Variants in GLUD1 observed in about 807,000 individuals in gnomAD.
GLUD1 encodes the protein glutamate dehydrogenase 1, mitochondrial.
GLUD1 carries 22 observed loss-of-function variants against 56.0 expected under a neutral mutation model. The ratio of observed to expected loss-of-function variants is 0.39; its 90% CI spans 0.28 to 0.56. The LOEUF (loss-of-function observed/expected upper bound fraction) is 0.56. GLUD1 is among the 20% of genes least tolerant of loss of function. The pLI is 0.58. For missense variants in GLUD1, 451 were observed against 732.0 expected, an observed-to-expected ratio of 0.62 and a Z score of 4.43; for synonymous variants, 223 against 269.9, an observed-to-expected ratio of 0.83 and a Z score of 1.70.
In GLUD1 at chr10:87,076,673, A is replaced by G. The variant is rs1846404707; in HGVS notation, c.446-17T>C. 6.6e-7 allele frequency: 1 copy of G among 1,504,262 alleles called. No individual in the cohort carries two copies. The highest frequency in any genetic ancestry group is 9.3e-7 in the Non-Finnish European group (1 of 1,079,766). 93.2% of individuals were successfully genotyped at this position (1,504,262 alleles called of 1,614,324 possible). On this transcript the variant is annotated splice_polypyrimidine_tract_variant and intron_variant, in intron 1 of 12. Coordinates refer to ENST00000277865, the MANE Select transcript of GLUD1 (RefSeq NM_005271.5). ...AACGGATACCTGGTGGTGTTTTTAA[A>G]AAAATGTGTTGGGGTGGGTGAGAAA...
chr10:87,094,487 C>T lies in GLUD1; in HGVS notation c.283G>A (p.Glu95Lys). Residue 95 changes from glutamate to lysine, a missense_variant, in exon 1 of 13, where the codon GAG (glutamate) becomes AAG (lysine). By Grantham distance (56) the Glu-to-Lys change is moderately conservative. This residue lies in a region of GLUD1 where 158 missense variants were observed against 189.7 expected (regional missense o/e 0.83). Transcript: ENST00000277865. This position sits in a 1 kb window ranked among gnomAD's most constrained non-coding sequence, Gnocchi z 6.6. ...LVEDLRTRES[E>K]EQKRNRVRGI... The stretch of plus-strand genomic sequence containing the variant: ...CGCACCCGGTTCCGCTTCTGCTCCT[C>T]GCTCTCCCGGGTCCTCAGGTCCTCC... 1 of 1,613,668 alleles carries T rather than the reference C, an allele frequency of 6.2e-7. No homozygotes were observed. Among genetic ancestry groups the T allele is most frequent in the Non-Finnish European group, 8.5e-7 (1 of 1,179,980 alleles).
intron 1 of GLUD1, chr10:87,089,751 T>C: frequency 2.2e-5 from 21 of 974,386 alleles, no homozygotes; most frequent in Non-Finnish European, 2.4e-5. Flanking sequence ...CAATTCCGAC[T>C]TGATAGTGAA....
In GLUD1 at chr10:87,094,646, G is replaced by A; in HGVS notation, c.124C>T (p.Gln42Ter). 2.5e-6 allele frequency: 4 copies of A among 1,603,420 alleles called. No individual in the cohort carries two copies. The highest frequency in any genetic ancestry group is 2.6e-6 in the Non-Finnish European group (3 of 1,175,996). Residue 42 changes from glutamine (Q) to a stop codon, truncating the protein, a stop_gained, in exon 1 of 13, where the codon CAG (glutamine) becomes TAG (stop). Transcript: ENST00000277865. LOFTEE classifies it high-confidence loss of function. The surrounding 1 kb of genome is among the most constrained non-coding windows in gnomAD (Gnocchi z 6.6). ...WARGQPAAAP[Q>*]PGLALAARRH... ...CGGGCGGCCAATGCCAGCCCCGGCT[G>A]CGGGGCGGCGGCGGGCTGTCCCCGG...
At chr10:87,064,288 T>C (rs1846018568) in intron 5 of GLUD1, among the ~76,000 whole-genome samples, 1 of 152,122 alleles carries the variant, frequency 6.6e-6, no homozygotes, top group African/African-American at 2.4e-5. Context: ...AAAAGAAGAA[T>C]TGGGCTAAGT....
intron 6 of GLUD1, among the ~76,000 whole-genome samples, chr10:87,061,690 C>T (rs969223045): frequency 6.6e-6 from 1 of 151,724 alleles, no homozygotes; most frequent in African/African-American, 2.4e-5. Flanking sequence ...AATCTTGGCT[C>T]ACTGCAGCCT....
chr10:87,075,982 G>T lies in GLUD1; in HGVS notation c.568C>A (p.Pro190Thr). 1 of 1,591,814 alleles carries T rather than the reference G, an allele frequency of 6.3e-7. No homozygotes were observed. ...GGAKAGVKIN[P>T]KNYTDNELEK... ...TTCATACTTACAGTATAGTTCTTGG[G>T]ATTGATCTTAACACCAGCTTTAGCA... Residue 190 changes from proline to threonine, a missense_variant, in exon 3 of 13, where the codon CCC becomes ACC. Transcript: ENST00000277865.
At chr10:87,079,570 G>A (rs1479078332) in intron 1 of GLUD1, among the ~76,000 whole-genome samples, 1 of 152,172 alleles carries the variant, frequency 6.6e-6, no homozygotes, top group Non-Finnish European at 1.5e-5. Flanking sequence ...ATGGTAAGGC[G>A]CTGTGCCCAG....
intron 8 of GLUD1, 58 bp downstream of exon 8, chr10:87,060,630 A>AC (rs1469387323): frequency 3.7e-5 from 60 of 1,602,906 alleles, no homozygotes; most frequent in Non-Finnish European, 4.7e-5. Flanking sequence ...CTCTTCTATG[A>AC]CCCCCCTAAC....
At chr10:87,073,226 A>C (rs897438153) in intron 4 of GLUD1, among the ~76,000 whole-genome samples, 1 of 152,194 alleles carries the variant, frequency 6.6e-6, no homozygotes, top group Non-Finnish European at 1.5e-5. Context: ...GCAGTGGCAC[A>C]ATCATAGCTC....
Position 87,051,558 on chromosome 10 carries a change from C to T in GLUD1, c.*193G>A. ...GGTGTAGGTGATTTCTACTTTCACA[C>T]TCAGCTTGTACATGATCCGCTAACC... On this transcript the variant is annotated 3_prime_UTR_variant, in exon 13 of 13. Transcript: ENST00000277865. 1.4e-6 allele frequency: 1 copy of T among 708,124 alleles called. No homozygotes were observed. Among genetic ancestry groups the T allele is most frequent in the Middle Eastern group, 4.0e-4 (1 of 2,472 alleles). 43.9% of individuals were successfully genotyped at this position (708,124 alleles called of 1,614,324 possible). A position where few individuals can be genotyped will look rare whatever the true frequency, so the allele number is the denominator to read the frequency against.
intron 1 of GLUD1, among the ~76,000 whole-genome samples, chr10:87,090,760 C>T (rs967270911): frequency 1.3e-5 from 2 of 152,188 alleles, no homozygotes; most frequent in African/African-American, 4.8e-5. Flanking sequence ...CAGATGCAGA[C>T]ACACAGCCAC....
At chr10:87,089,378 A>T (rs1841460317) in intron 1 of GLUD1, among the ~76,000 whole-genome samples, 2 of 152,252 alleles carry the variant, frequency 1.3e-5, no homozygotes, top group African/African-American at 4.8e-5. Context: ...CCTCAACCTT[A>T]GTAGCCACAT....
At position 87,068,162 on chromosome 10, in the gene GLUD1, G is replaced by C. The variant is rs201611802; in HGVS notation, c.647-5C>G. The C allele has an allele frequency of 2.7e-4, 420 of 1,584,306 alleles. 3 individuals carry two copies. The African/African-American group carries it at 5.0e-3, about 19-fold the overall frequency. ...CAGGCACATCAATGCCAGGACCTGC[G>C]GGGGCACAGGGAAAGAGGAGTGCAC... On this transcript the variant is annotated splice_polypyrimidine_tract_variant and splice_region_variant and intron_variant, in intron 4 of 12. Coordinates refer to ENST00000277865, the MANE Select transcript of GLUD1 (RefSeq NM_005271.5).
intron 12 of GLUD1, among the ~76,000 whole-genome samples, chr10:87,052,991 T>A (rs1004656325): frequency 2.6e-5 from 4 of 152,068 alleles, no homozygotes; most frequent in Non-Finnish European, 2.9e-5. Context: ...CAAAATAAGT[T>A]TTGCTTATAC....
chr10:87,092,313 T>C (rs1296520660), intron 1 of GLUD1, among the ~76,000 whole-genome samples: 1 of 152,220 alleles, frequency 6.6e-6, no homozygotes, highest in African/African-American at 2.4e-5. Context: ...ATAATAAATT[T>C]GTCACTTTGT....
At chr10:87,074,495 A>C in intron 4 of GLUD1, 56 bp downstream of exon 4, 1 of 1,029,150 alleles carries the variant, frequency 9.7e-7, no homozygotes. Flanking sequence ...CTCAAAAAAA[A>C]AAAAAAATTT....
chr10:87,079,260 T>A (rs1425633370), intron 1 of GLUD1, among the ~76,000 whole-genome samples: 1 of 149,592 alleles, frequency 6.7e-6, no homozygotes, highest in Non-Finnish European at 1.5e-5. Flanking sequence ...TTAAGATGAA[T>A]CATTTGTATC....
At chr10:87,088,316 A>C (rs1190332067) in intron 1 of GLUD1, among the ~76,000 whole-genome samples, 1 of 152,160 alleles carries the variant, frequency 6.6e-6, no homozygotes, top group Admixed American at 6.5e-5. Context: ...CAATGAAAAA[A>C]AATATTCCAA....
chr10:87,065,108 T>C (rs1345650370), intron 5 of GLUD1, among the ~76,000 whole-genome samples: 3 of 151,920 alleles, frequency 2.0e-5, no homozygotes, highest in Non-Finnish European at 4.4e-5. Flanking sequence ...CTGGTCAACA[T>C]GGTGAAACAC....
Sources: gnomAD v4.1 joint callset for allele counts (sites outside exome capture counted in the v4.1 genomes callset) on GRCh38, gnomAD v4.1.1 for gene constraint, gnomAD v4.1.1 regional missense constraint, Gnocchi (gnomAD v3.1) non-coding constraint, MANE v1.5 for transcripts, NCBI Gene and HGNC (gene_info 2026-07-23, HGNC 2026-07-21) for gene names.